The following GLB1L2 variants were observed in gnomAD, a reference collection of about 807,000 sequenced individuals.
GLB1L2 encodes the protein galactosidase beta 1 like 2.
In GLB1L2, 68 loss-of-function variants were observed where a neutral mutation model predicts 84.1. The observed-to-expected ratio is 0.81, with a 90% CI of 0.67 to 0.99. GLB1L2 has a LOEUF of 0.99. Ranked by LOEUF, GLB1L2 falls within the 50% of genes least tolerant of loss-of-function variation. The probability of loss-of-function intolerance (pLI) is 0.00; values close to 1 mark genes in which losing one functional copy is unlikely to be tolerated. For synonymous variants in GLB1L2, 290 were observed against 318.0 expected, an observed-to-expected ratio of 0.91 and a Z score of 0.94; for missense variants, 762 against 805.6, an observed-to-expected ratio of 0.95 and a Z score of 0.66.
chr11:134,369,529 A>ATAGGTGTGAG (rs1943914756), intron 10 of GLB1L2, among the ~76,000 whole-genome samples: 1 of 148,478 alleles, frequency 6.7e-6, no homozygotes, highest in African/African-American at 2.6e-5. Flanking sequence ...TGCTGGGATT[A>ATAGGTGTGAG]CAGGTGTGAG....
intron 9 of GLB1L2, among the ~76,000 whole-genome samples, chr11:134,367,933 C>T (rs1018806271): frequency 7.2e-5 from 11 of 152,232 alleles, no homozygotes; most frequent in African/African-American, 1.7e-4. Context: ...GTGAGCATCC[C>T]GGAGCCTGCG....
Position 134,374,631 on chromosome 11 carries a change from T to A in GLB1L2, c.1737T>A (p.Asn579Lys), listed in dbSNP as rs778730918. The A allele has an allele frequency of 1.9e-6, 3 of 1,614,056 alleles. No individual in the cohort carries two copies. The highest frequency in any genetic ancestry group is 2.5e-6 in the Non-Finnish European group (3 of 1,179,964). ...EGWEKGVVFI[N>K]GQNLGRYWNI... is the part of the protein sequence containing the mutation. ...GGGAGAAGGGGGTTGTATTCATCAA[T>A]GGCCAGAACCTTGGACGTTACTGGA... The change falls in exon 18 of 19, where the codon AAT becomes AAA. Residue 579 changes from asparagine to lysine, a missense_variant. Asn to Lys is a moderately conservative substitution (Grantham distance 94, BLOSUM62 0). Around this residue, in one of 3 missense-constraint regions of GLB1L2, gnomAD observed 603 missense variants for 611.7 expected, o/e 0.99. Transcript: ENST00000535456.
chr11:134,361,433 T>C (rs1943788100), intron 7 of GLB1L2: 1 of 152,258 alleles, frequency 6.6e-6, no homozygotes, highest in South Asian at 2.1e-4. Context: ...GCCTCGCGGA[T>C]GTGTATGACA....
At position 134,339,252 on chromosome 11, in the gene GLB1L2, T is replaced by C. The variant is rs999384043; in HGVS notation, c.87-3502T>C. On this transcript the variant is annotated intron_variant, in intron 1 of 18. Transcript: ENST00000535456. This position sits in a 1 kb window ranked among gnomAD's most constrained non-coding sequence, Gnocchi z 5.7. Reference sequence around the variant, plus strand: ...CTCCAACCACACTGTTGATATTTCCTTTATTTTATTATTACTGAGTTACTC... The same window carrying C: ...CTCCAACCACACTGTTGATATTTCCCTTATTTTATTATTACTGAGTTACTC... Among the ~76,000 whole-genome samples the C allele has an allele frequency of 6.6e-6, 1 of 152,180 alleles. No homozygotes were observed. Among genetic ancestry groups the C allele is most frequent in the Non-Finnish European group, 1.5e-5 (1 of 68,026 alleles).
intron 15 of GLB1L2, 48 bp from the exon 16 acceptor site, chr11:134,373,673 T>C: frequency 7.6e-7 from 1 of 1,312,080 alleles, no homozygotes; most frequent in Non-Finnish European, 1.1e-6. Flanking sequence ...CCCAGCTGAC[T>C]CGGCCCCTGC....
intron 3 of GLB1L2, among the ~76,000 whole-genome samples, chr11:134,344,717 C>T (rs941625118): frequency 4.6e-5 from 7 of 152,260 alleles, no homozygotes; most frequent in Admixed American, 3.3e-4. Context: ...CCCGACTCTG[C>T]ATGGGGTCCG....
intron 5 of GLB1L2, among the ~76,000 whole-genome samples, chr11:134,348,661 G>A (rs1355851504): frequency 2.0e-5 from 3 of 152,084 alleles, no homozygotes; most frequent in Non-Finnish European, 4.4e-5. Context: ...CAGCGGCATT[G>A]AGTCCACCCA....
At chr11:134,356,953 GCCT>G (rs1943711174) in intron 6 of GLB1L2, among the ~76,000 whole-genome samples, 2 of 150,858 alleles carry the variant, frequency 1.3e-5, no homozygotes, top group Non-Finnish European at 2.9e-5. Context: ...TTGAACAAAT[GCCT>G]CGAGTTTTTT....
At chr11:134,344,817 C>T (rs922679038) in intron 3 of GLB1L2, among the ~76,000 whole-genome samples, 2 of 152,254 alleles carry the variant, frequency 1.3e-5, no homozygotes, top group African/African-American at 2.4e-5. Flanking sequence ...TGGGTGTCAC[C>T]CTTCCTCCTC....
chr11:134,364,309 C>T lies in GLB1L2; in HGVS notation c.734-19C>T. 1 of 1,607,772 alleles carries T rather than the reference C, an allele frequency of 6.2e-7. No homozygotes were observed. Among genetic ancestry groups the T allele is most frequent in the Non-Finnish European group, 8.5e-7 (1 of 1,174,954 alleles). On this transcript the variant is annotated intron_variant, in intron 7 of 18. Coordinates refer to ENST00000535456, the MANE Select transcript of GLB1L2 (RefSeq NM_001370461.1). ...TTGAGACAGTGCTTTGTCTCTCTCTCTCCTCTTCCCTTTAACAGTCTTGGC... is the reference window on the plus strand; with the variant it reads ...TTGAGACAGTGCTTTGTCTCTCTCTTTCCTCTTCCCTTTAACAGTCTTGGC...
intron 1 of GLB1L2, among the ~76,000 whole-genome samples, chr11:134,335,879 G>A (rs562854827): frequency 6.6e-6 from 1 of 152,126 alleles, no homozygotes; most frequent in Non-Finnish European, 1.5e-5. Context: ...GGACTCTGGG[G>A]TCTAGGCACG....
chr11:134,364,795 T>C (rs1943844923), intron 8 of GLB1L2: 1 of 171,154 alleles, frequency 5.8e-6, no homozygotes, highest in Non-Finnish European at 1.2e-5. Flanking sequence ...AAGATTATTG[T>C]CATCAGCAAG....
chr11:134,353,109 A>T (rs897817003), intron 5 of GLB1L2, among the ~76,000 whole-genome samples: 1 of 152,156 alleles, frequency 6.6e-6, no homozygotes, highest in Non-Finnish European at 1.5e-5. Context: ...TCAATTTTTT[A>T]AATTTATTAA....
chr11:134,349,880 T>C (rs1317873857), intron 5 of GLB1L2, among the ~76,000 whole-genome samples: 2 of 152,232 alleles, frequency 1.3e-5, no homozygotes, highest in Admixed American at 6.5e-5. Context: ...AGGCAGCAGG[T>C]TCCCTTTTGG....
intron 7 of GLB1L2, 116 bp downstream of exon 7, chr11:134,359,257 C>T (rs929544759): frequency 2.8e-5 from 19 of 688,794 alleles, no homozygotes; most frequent in African/African-American, 3.6e-5. Flanking sequence ...GTTATTCTCC[C>T]GTGCATATGG....
Position 134,339,494 on chromosome 11 carries a change from T to C in GLB1L2, c.87-3260T>C, listed in dbSNP as rs1046492299. Among the ~76,000 whole-genome samples the C allele has an allele frequency of 2.6e-5, 4 of 152,176 alleles. No homozygotes were observed. The highest frequency in any genetic ancestry group is 2.4e-5 in the African/African-American group (1 of 41,436). ...AATAAGGTATTGACAACTTCTCTAG[T>C]AACCTACCAGAAAATTCCCATGAAG... On this transcript the variant is annotated intron_variant, in intron 1 of 18. Transcript: ENST00000535456. The surrounding 1 kb of genome is among the most constrained non-coding windows in gnomAD (Gnocchi z 5.7).
chr11:134,356,592 G>C (rs576740930), intron 6 of GLB1L2, among the ~76,000 whole-genome samples, 199 bp downstream of exon 6: 1 of 152,274 alleles, frequency 6.6e-6, no homozygotes, highest in Admixed American at 6.5e-5. Flanking sequence ...GGGAATTTCA[G>C]TACACACCTG....
At position 134,371,161 on chromosome 11, in the gene GLB1L2, C is replaced by A. The variant is rs762186762; in HGVS notation, c.1356+13C>A. The A allele has an allele frequency of 9.9e-6, 16 of 1,613,770 alleles. No homozygotes were observed. The highest frequency in any genetic ancestry group is 1.4e-5 in the Non-Finnish European group (16 of 1,179,884). ...TGATCGGGGGCAGGTAGGAGCTTCT[C>A]TTCTAAATTCCTGTGACCTTCTGGT... On this transcript the variant is annotated intron_variant, in intron 13 of 18. Transcript: ENST00000535456.
chr11:134,364,337 C>T lies in GLB1L2; in HGVS notation c.743C>T (p.Thr248Ile), dbSNP rs891694128. ...CTCTTCCCTTTAACAGTCTTGGCCA[C>T]CATCAACTTGCAGTCAACACACGAG... ...SKGIVQGVLA[T>I]INLQSTHELQ... Residue 248 changes from threonine (T) to isoleucine (I), a missense_variant, in exon 8 of 19, where the codon ACC becomes ATC. Around this residue, in one of 3 missense-constraint regions of GLB1L2, gnomAD observed 603 missense variants for 611.7 expected, o/e 0.99. Coordinates refer to ENST00000535456, the MANE Select transcript of GLB1L2 (RefSeq NM_001370461.1). The T allele has an allele frequency of 1.2e-5, 19 of 1,613,790 alleles. No individual in the cohort carries two copies. Among genetic ancestry groups the T allele is most frequent in the Admixed American group, 1.7e-5 (1 of 59,986 alleles).
Sources: allele counts gnomAD v4.1 joint callset (sites outside exome capture counted in the v4.1 genomes callset), GRCh38; gene constraint gnomAD v4.1.1; regional missense constraint gnomAD v4.1.1; non-coding constraint Gnocchi (gnomAD v3.1); transcripts MANE v1.5; gene names NCBI Gene and HGNC (gene_info 2026-07-23, HGNC 2026-07-21).